Variants in RLN2 observed in about 807,000 individuals in gnomAD.
RLN2 encodes the protein relaxin 2, also known as prorelaxin H2.
Under a neutral mutation model 7.3 loss-of-function variants are expected in RLN2, and 10 were observed. That is an observed-to-expected ratio of 1.36 (90% CI 0.84 to 2.31). The LOEUF (loss-of-function observed/expected upper bound fraction) is 2.31. RLN2 is among the 30% of genes most tolerant of loss of function. The pLI is 0.00. For synonymous variants in RLN2, 103 were observed against 82.3 expected (o/e 1.25, Z -1.36); for missense variants, 298 against 217.6 (o/e 1.37, Z -2.32).
the RLN2 span, among the ~76,000 whole-genome samples, chr9:5,330,506 C>T: frequency 1.3e-4 from 19 of 151,290 alleles, no homozygotes; most frequent in East Asian, 1.9e-3. Context: ...GGCATGGTGG[C>T]GGGGGCCTGT....
chr9:5,328,140 T>C, the RLN2 span, among the ~76,000 whole-genome samples: 1 of 151,810 alleles, frequency 6.6e-6, no homozygotes, highest in Non-Finnish European at 1.5e-5. Context: ...TTCTAACCCA[T>C]CCCAAGTAAG....
chr9:5,323,138 A>T, the RLN2 span, among the ~76,000 whole-genome samples: 4 of 151,448 alleles, frequency 2.6e-5, no homozygotes, highest in African/African-American at 9.7e-5. Flanking sequence ...CCCACAATTC[A>T]TCTCTACCAC....
chr9:5,315,541 T>C, the RLN2 span, among the ~76,000 whole-genome samples: 4 of 151,970 alleles, frequency 2.6e-5, no homozygotes, highest in African/African-American at 9.7e-5. Flanking sequence ...AATGAAATAA[T>C]TGCTGAAAAC....
At chr9:5,327,446 G>C in the RLN2 span, among the ~76,000 whole-genome samples, 58 of 152,036 alleles carry the variant, frequency 3.8e-4, no homozygotes, top group Non-Finnish European at 4.9e-4. Flanking sequence ...AGGCCCACCA[G>C]CCTTTGTAGA....
At chr9:5,327,626 A>C in the RLN2 span, among the ~76,000 whole-genome samples, 1 of 152,022 alleles carries the variant, frequency 6.6e-6, no homozygotes, top group African/African-American at 2.4e-5. Flanking sequence ...ACCCCTGTGT[A>C]GCCTGACTGG....
the RLN2 span, among the ~76,000 whole-genome samples, chr9:5,326,934 T>G: frequency 6.6e-6 from 1 of 151,954 alleles, no homozygotes; most frequent in East Asian, 1.9e-4. Flanking sequence ...CACTTCCAAA[T>G]GGCCCAATAG....
At chr9:5,312,058 T>C in the RLN2 span, among the ~76,000 whole-genome samples, 19 of 151,968 alleles carry the variant, frequency 1.3e-4, no homozygotes, top group African/African-American at 4.6e-4. Context: ...TTCATTGTTT[T>C]TGGGGGAAGG....
chr9:5,322,299 A>T, the RLN2 span, among the ~76,000 whole-genome samples: 2 of 152,132 alleles, frequency 1.3e-5, no homozygotes, highest in African/African-American at 4.8e-5. Flanking sequence ...TACTGCTCAG[A>T]TTTAGGAAGG....
the RLN2 span, among the ~76,000 whole-genome samples, chr9:5,314,191 G>C: frequency 1.3e-5 from 2 of 152,036 alleles, no homozygotes; most frequent in Non-Finnish European, 2.9e-5. Flanking sequence ...AACATTGTTG[G>C]AATGTGTCCT....
chr9:5,325,478 A>G, the RLN2 span, among the ~76,000 whole-genome samples: 1 of 152,078 alleles, frequency 6.6e-6, no homozygotes, highest in South Asian at 2.1e-4. Context: ...AGAGAGCTTA[A>G]TAAAGCAATA....
At chr9:5,306,237 A>G (rs1368987631), upstream of RLN2, among the ~76,000 whole-genome samples, 1 of 150,862 alleles carries the variant, frequency 6.6e-6, no homozygotes, top group Non-Finnish European at 1.5e-5. Context: ...CCTCTGAAGT[A>G]GCTGGGATTA....
chr9:5,329,236 G>T, the RLN2 span, among the ~76,000 whole-genome samples: 1 of 148,156 alleles, frequency 6.7e-6, no homozygotes, highest in South Asian at 2.2e-4. Flanking sequence ...CCGGGAAGCG[G>T]AGCTTGCAGT....
the RLN2 span, among the ~76,000 whole-genome samples, chr9:5,329,812 G>C: frequency 1.3e-4 from 20 of 151,872 alleles, no homozygotes; most frequent in Non-Finnish European, 2.2e-4. Context: ...ATAATAATGG[G>C]AGACTTTAAC....
chr9:5,323,903 C>A, the RLN2 span, among the ~76,000 whole-genome samples: 2 of 151,742 alleles, frequency 1.3e-5, no homozygotes, highest in African/African-American at 2.4e-5. Flanking sequence ...CTAAGGTTAG[C>A]CAGGTGTGTT....
intron 1 of RLN2, among the ~76,000 whole-genome samples, chr9:5,301,374 C>T (rs1413713293): frequency 2.0e-5 from 3 of 152,184 alleles, no homozygotes; most frequent in Admixed American, 6.6e-5. Context: ...TTACCTGTTT[C>T]CATGTCTCTG....
At chr9:5,326,690 T>C in the RLN2 span, among the ~76,000 whole-genome samples, 2 of 152,106 alleles carry the variant, frequency 1.3e-5, no homozygotes, top group Non-Finnish European at 2.9e-5. Flanking sequence ...TGACAGACTA[T>C]TTTTAGCGTT....
At chr9:5,328,486 T>C in the RLN2 span, among the ~76,000 whole-genome samples, 4 of 151,998 alleles carry the variant, frequency 2.6e-5, no homozygotes, top group Non-Finnish European at 5.9e-5. Context: ...GAAAACACTC[T>C]TCAGGATATT....
At chr9:5,334,145 A>G in the RLN2 span, among the ~76,000 whole-genome samples, 8 of 152,042 alleles carry the variant, frequency 5.3e-5, no homozygotes, top group Non-Finnish European at 1.2e-4. Flanking sequence ...GTCCTGTTCA[A>G]CATAGTGTTG....
At chr9:5,332,634 T>A in the RLN2 span, among the ~76,000 whole-genome samples, 3 of 147,600 alleles carry the variant, frequency 2.0e-5, no homozygotes, top group African/African-American at 7.5e-5. Flanking sequence ...TTTTTTTTTT[T>A]AATGTGATAC....
Sources: gnomAD v4.1 joint callset for allele counts (sites outside exome capture counted in the v4.1 genomes callset) on GRCh38, gnomAD v4.1.1 for gene constraint, MANE v1.5 for transcripts, NCBI Gene and HGNC (gene_info 2026-07-23, HGNC 2026-07-21) for gene names.